TPRG1: variants seen among roughly 807,000 people sequenced by gnomAD.
TPRG1 encodes tumor protein p63 regulated 1.
In TPRG1, 29 loss-of-function variants were observed where a neutral mutation model predicts 29.3. The observed-to-expected ratio is 0.99, with a 90% CI of 0.74 to 1.35. The LOEUF is 1.35. Ranked by LOEUF, TPRG1 falls within the 40% of genes most tolerant of loss-of-function variation. The pLI is 0.00. For synonymous variants in TPRG1, 130 were observed against 116.8 expected (o/e 1.11, Z -0.73); for missense variants, 327 against 335.0 (o/e 0.98, Z 0.19).
chr3:189,271,970 C>G (rs1215910132), intron 4 of TPRG1, among the ~76,000 whole-genome samples: 3 of 152,158 alleles, frequency 2.0e-5, no homozygotes, highest in Admixed American at 6.5e-5. Context: ...ATCGAAAAGC[C>G]TAATGTGGTG....
intron 5 of TPRG1, among the ~76,000 whole-genome samples, chr3:189,154,369 G>A (rs1413414340): frequency 6.6e-6 from 1 of 152,128 alleles, no homozygotes; most frequent in Non-Finnish European, 1.5e-5. Flanking sequence ...TCTGCTATGG[G>A]CTGAGCCTTA....
rs552203647 is a variant in TPRG1, at chr3:189,183,604, C to G, written c.-10+11473C>G. Among the ~76,000 whole-genome samples, 4 of 152,142 alleles carry G rather than the reference C, an allele frequency of 2.6e-5. No homozygotes were observed. In the South Asian group the frequency reaches 8.3e-4, roughly 32 times the overall value. On this transcript the variant is annotated intron_variant, in intron 1 of 5. Transcript: ENST00000345063. ...AGGGGGCCATCTATAGACCCACCCC[C>G]AGGCACATATTCTCTTTCCCAGGGA...
chr3:189,073,991 C>G (rs1327559963), intron 4 of TPRG1, among the ~76,000 whole-genome samples: 3 of 152,030 alleles, frequency 2.0e-5, no homozygotes, highest in African/African-American at 7.2e-5. Flanking sequence ...AAGTTGTGAA[C>G]TCCTTTATTA....
intron 4 of TPRG1, among the ~76,000 whole-genome samples, chr3:189,033,693 C>T (rs1313101768): frequency 6.6e-6 from 1 of 151,920 alleles, no homozygotes; most frequent in Non-Finnish European, 1.5e-5. Flanking sequence ...CATTCTCCTG[C>T]CTCAGCCTTC....
Position 189,268,639 on chromosome 3 carries a change from G to A in TPRG1, c.479+29730G>A, listed in dbSNP as rs565234894. 5.3e-5 allele frequency among the ~76,000 whole-genome samples: 8 copies of A among 152,296 alleles called. No individual in the cohort carries two copies. The East Asian group carries it at 9.7e-4, about 18-fold the overall frequency. On this transcript the variant is annotated intron_variant, in intron 4 of 5. Transcript: ENST00000345063. The stretch of plus-strand genomic sequence containing the variant: ...GCACCCACTTTGAGGTTCTATAATA[G>A]TTTGTATCTCTGAATGACAAGAAAG...
intron 3 of TPRG1, among the ~76,000 whole-genome samples, chr3:189,021,856 C>T (rs1371346719): frequency 6.6e-6 from 1 of 152,184 alleles, no homozygotes; most frequent in Non-Finnish European, 1.5e-5. Flanking sequence ...CTCCCCATCA[C>T]TTTCAGGTAC....
Position 189,239,035 on chromosome 3 carries a change from A to C in TPRG1, c.479+126A>C, listed in dbSNP as rs79255338. The C allele has an allele frequency of 1.6e-3, 1,227 of 744,876 alleles. 5 individuals are homozygous for C. The African/African-American group carries it at 0.02, about 12-fold the overall frequency. 46.1% of individuals were successfully genotyped at this position (744,876 alleles called of 1,614,324 possible). ...CAAGGGAGGATAGTGAAATCATGAA[A>C]GTTGAAATCATTAAACTAGAGTTCC... On this transcript the variant is annotated intron_variant, in intron 4 of 5. Coordinates refer to ENST00000345063, the MANE Select transcript of TPRG1 (RefSeq NM_198485.4).
At chr3:189,188,539 A>G (rs1266062304) in intron 1 of TPRG1, among the ~76,000 whole-genome samples, 1 of 151,914 alleles carries the variant, frequency 6.6e-6, no homozygotes, top group Non-Finnish European at 1.5e-5. Context: ...TTCCTCCTCC[A>G]CATCACTTGC....
intron 3 of TPRG1, among the ~76,000 whole-genome samples, chr3:189,236,305 C>T (rs889643948): frequency 6.6e-6 from 1 of 152,120 alleles, no homozygotes; most frequent in African/African-American, 2.4e-5. Context: ...TCAGTAAAAC[C>T]ATTCAACCAA....
chr3:189,198,743 A>G (rs1270621503), intron 1 of TPRG1, among the ~76,000 whole-genome samples: 1 of 152,310 alleles, frequency 6.6e-6, no homozygotes, highest in East Asian at 1.9e-4. Flanking sequence ...ATGGCCCACT[A>G]GTGAAGACAG....
intron 3 of TPRG1, among the ~76,000 whole-genome samples, chr3:189,223,964 G>A (rs1472142517): frequency 6.6e-6 from 1 of 152,050 alleles, no homozygotes; most frequent in African/African-American, 2.4e-5. Flanking sequence ...AGTGATGAAA[G>A]TACAGGGATA....
At chr3:189,162,629 T>C (rs1179334426) in intron 5 of TPRG1, among the ~76,000 whole-genome samples, 1 of 152,136 alleles carries the variant, frequency 6.6e-6, no homozygotes. Flanking sequence ...TGATGGCTGC[T>C]ATGGAAGAGA....
At chr3:189,299,910 T>C (rs1018122290) in intron 4 of TPRG1, among the ~76,000 whole-genome samples, 2 of 152,216 alleles carry the variant, frequency 1.3e-5, no homozygotes, top group African/African-American at 4.8e-5. Flanking sequence ...ATGCTAGAAT[T>C]CTACTCAAAA....
intron 1 of TPRG1, among the ~76,000 whole-genome samples, chr3:189,206,078 CTT>C (rs202046097): frequency 3.7e-5 from 4 of 107,818 alleles, no homozygotes; most frequent in African/African-American, 3.4e-5. Flanking sequence ...TTCTTTCTTT[CTT>C]TTTCTTTCTT....
At chr3:189,215,208 G>A in intron 2 of TPRG1, 84 bp from the exon 3 acceptor site, 3 of 1,101,148 alleles carry the variant, frequency 2.7e-6, no homozygotes, top group Non-Finnish European at 3.9e-6. Flanking sequence ...CTTTCCGGAG[G>A]AGCTGCTGGA....
At chr3:189,008,079 G>T (rs1293255973) in intron 3 of TPRG1, among the ~76,000 whole-genome samples, 1 of 33,462 alleles carries the variant, frequency 3.0e-5, no homozygotes, top group Admixed American at 5.5e-4. Context: ...AAAAAAAAAC[G>T]TTCTAGAAAA....
intron 3 of TPRG1, among the ~76,000 whole-genome samples, chr3:189,234,571 G>T (rs984739592): frequency 6.6e-6 from 1 of 152,154 alleles, no homozygotes; most frequent in Non-Finnish European, 1.5e-5. Context: ...ACGTTATTTT[G>T]TGGGGTACTA....
chr3:189,137,056 G>T (rs1157391252), intron 3 of TPRG1, among the ~76,000 whole-genome samples: 4 of 152,140 alleles, frequency 2.6e-5, no homozygotes, highest in African/African-American at 9.7e-5. Context: ...ACAAACTAAG[G>T]TGGAATGATT....
chr3:189,217,799 A>C, intron 3 of TPRG1: 1 of 980,874 alleles, frequency 1.0e-6, no homozygotes, highest in Non-Finnish European at 1.2e-6. Flanking sequence ...AATAATTGTC[A>C]AAAAGAGGAG....
Sources: allele counts gnomAD v4.1 joint callset (sites outside exome capture counted in the v4.1 genomes callset), GRCh38; gene constraint gnomAD v4.1.1; transcripts MANE v1.5; gene names NCBI Gene and HGNC (gene_info 2026-07-23, HGNC 2026-07-21).